Variants in ASPRV1 observed in about 807,000 individuals in gnomAD.
The protein encoded by ASPRV1 is aspartic peptidase retroviral like 1, also known as retroviral-like aspartic protease 1.
ASPRV1 carries 7 observed loss-of-function variants against 11.0 expected under a neutral mutation model. That is an observed-to-expected ratio of 0.64 (90% confidence interval 0.36 to 1.20). ASPRV1 has a LOEUF of 1.20. Ranked by LOEUF, ASPRV1 falls within the 50% of genes most tolerant of loss-of-function variation. The pLI, the probability that ASPRV1 is intolerant of heterozygous loss-of-function variation, is 0.02. For synonymous variants in ASPRV1, 136 were observed against 138.4 expected (o/e 0.98, Z 0.12); for missense variants, 299 against 320.0 (o/e 0.93, Z 0.50).
chr2:70,047,592 G>A, the ASPRV1 span, among the ~76,000 whole-genome samples: 4 of 152,186 alleles, frequency 2.6e-5, no homozygotes, highest in Non-Finnish European at 1.5e-5. Context: ...CCAACTACCA[G>A]AGGCAGCTGG....
chr2:69,979,085 A>G, the ASPRV1 span, among the ~76,000 whole-genome samples: 1 of 152,006 alleles, frequency 6.6e-6, no homozygotes, highest in Admixed American at 6.6e-5. Context: ...ACTAGGCTGG[A>G]GTGCAGTGGT....
At chr2:69,948,230 A>G in the ASPRV1 span, among the ~76,000 whole-genome samples, 1 of 152,214 alleles carries the variant, frequency 6.6e-6, no homozygotes, top group African/African-American at 2.4e-5. Context: ...CCCGGGCCAC[A>G]GAGTGAGACC....
chr2:70,065,050 G>A, the ASPRV1 span, among the ~76,000 whole-genome samples: 106 of 151,844 alleles, frequency 7.0e-4, no homozygotes, highest in African/African-American at 2.4e-3. Context: ...AGCCGAGATC[G>A]AACCACTGCA....
At chr2:70,014,889 G>A in the ASPRV1 span, among the ~76,000 whole-genome samples, 1 of 150,830 alleles carries the variant, frequency 6.6e-6, no homozygotes. Flanking sequence ...TATCTGAAAA[G>A]GATTTACTAT....
the ASPRV1 span, among the ~76,000 whole-genome samples, chr2:70,001,533 G>T: frequency 6.6e-6 from 1 of 152,150 alleles, no homozygotes; most frequent in Non-Finnish European, 1.5e-5. Flanking sequence ...CGAGGCAGGT[G>T]GGTCATCTGA....
upstream of ASPRV1, chr2:69,964,416 GTC>G (rs1014463151): frequency 2.3e-6 from 1 of 435,830 alleles, no homozygotes; most frequent in African/African-American, 2.0e-5. Context: ...GAGTCTGGGA[GTC>G]TGTCTCTGGC....
chr2:70,072,084 T>C, the ASPRV1 span, among the ~76,000 whole-genome samples: 1 of 151,952 alleles, frequency 6.6e-6, no homozygotes, highest in Non-Finnish European at 1.5e-5. Context: ...CCCGAGTAGG[T>C]AGGATCACAG....
chr2:70,019,960 G>A, the ASPRV1 span, among the ~76,000 whole-genome samples: 1 of 151,876 alleles, frequency 6.6e-6, no homozygotes, highest in Non-Finnish European at 1.5e-5. Context: ...TGTTCAATAG[G>A]TTAATTTAGC....
At chr2:69,942,345 A>G in the ASPRV1 span, 1 of 152,190 alleles carries the variant, frequency 6.6e-6, no homozygotes, top group Admixed American at 6.5e-5. Flanking sequence ...GGGGTGTGCA[A>G]TAGGTGATTT....
chr2:70,032,746 T>G, the ASPRV1 span, among the ~76,000 whole-genome samples: 1 of 152,192 alleles, frequency 6.6e-6, no homozygotes, highest in East Asian at 1.9e-4. Flanking sequence ...TCTTTACCCC[T>G]AATGATATAT....
At position 69,960,415 on chromosome 2, in the gene ASPRV1, G is replaced by C. The variant is rs1201380356; in HGVS notation, c.*242C>G. The C allele has an allele frequency of 1.4e-5, 7 of 495,252 alleles. No homozygotes were observed. Among genetic ancestry groups the C allele is most frequent in the Non-Finnish European group, 2.2e-5 (6 of 277,128 alleles). 30.7% of individuals were successfully genotyped at this position (495,252 alleles called of 1,614,324 possible). On this transcript the variant is annotated 3_prime_UTR_variant, in exon 1 of 1. Transcript: ENST00000320256. The stretch of plus-strand genomic sequence containing the variant: ...GAGTCTTTGTCATCAACAGCAGCTT[G>C]ATGACCATGGGGACCCTGTCCCTCT...
the ASPRV1 span, among the ~76,000 whole-genome samples, chr2:70,040,199 G>A: frequency 2.0e-5 from 3 of 152,056 alleles, no homozygotes; most frequent in African/African-American, 7.2e-5. Context: ...ATCATCTAGA[G>A]ACAGTATATA....
the ASPRV1 span, chr2:70,072,961 G>A: frequency 6.6e-6 from 1 of 151,514 alleles, no homozygotes; most frequent in East Asian, 1.9e-4. Context: ...GCTACTCGGA[G>A]AAGGGAGAAG....
chr2:70,045,551 C>T, the ASPRV1 span: 1 of 152,186 alleles, frequency 6.6e-6, no homozygotes, highest in Non-Finnish European at 1.5e-5. Context: ...CCTCTAAGAG[C>T]TGATCTAATC....
the ASPRV1 span, among the ~76,000 whole-genome samples, chr2:70,080,643 T>C: frequency 6.6e-6 from 1 of 152,214 alleles, no homozygotes; most frequent in Non-Finnish European, 1.5e-5. Flanking sequence ...TTCTGATGTC[T>C]TCACCTTAAA....
the ASPRV1 span, among the ~76,000 whole-genome samples, chr2:70,027,935 G>C: frequency 5.3e-5 from 8 of 152,168 alleles, no homozygotes; most frequent in Non-Finnish European, 1.2e-4. Context: ...AATATCACAT[G>C]TACCCCCATA....
At chr2:69,972,771 C>T in the ASPRV1 span, among the ~76,000 whole-genome samples, 1 of 152,126 alleles carries the variant, frequency 6.6e-6, no homozygotes, top group Admixed American at 6.6e-5. Flanking sequence ...AACCTTCACC[C>T]TTCCTCACTT....
the ASPRV1 span, among the ~76,000 whole-genome samples, chr2:69,951,865 A>T: frequency 8.6e-5 from 13 of 151,966 alleles, no homozygotes; most frequent in African/African-American, 3.1e-4. Context: ...TCATAAATTG[A>T]TTTTTAGAAT....
chr2:70,076,448 T>C, the ASPRV1 span, among the ~76,000 whole-genome samples: 29 of 152,380 alleles, frequency 1.9e-4, no homozygotes, highest in Non-Finnish European at 3.5e-4. Flanking sequence ...TGGTAAGCAC[T>C]TTCTATGTGC....
Sources: allele counts gnomAD v4.1 joint callset (sites outside exome capture counted in the v4.1 genomes callset), GRCh38; gene constraint gnomAD v4.1.1; transcripts MANE v1.5; gene names NCBI Gene and HGNC (gene_info 2026-07-23, HGNC 2026-07-21).